The following PTPRD variants were observed in gnomAD, a reference collection of about 807,000 sequenced individuals.
PTPRD encodes receptor-type tyrosine-protein phosphatase delta.
PTPRD carries 34 observed loss-of-function variants against 214.5 expected under a neutral mutation model. The observed-to-expected ratio is 0.16, with a 90% confidence interval of 0.12 to 0.21. The LOEUF is 0.21. Among genes scored for constraint, PTPRD ranks in the 10% least tolerant of loss-of-function variants. The pLI is 1.00. For synonymous variants in PTPRD, 1,128 were observed against 845.7 expected, an observed-to-expected ratio of 1.33 and a Z score of -5.79; for missense variants, 2,545 against 2,398.7, an observed-to-expected ratio of 1.06 and a Z score of -1.27.
At chr9:10,413,266 G>T (rs1441610337) in intron 2 of PTPRD, among the ~76,000 whole-genome samples, 1 of 151,902 alleles carries the variant, frequency 6.6e-6, no homozygotes, top group Admixed American at 6.6e-5. Flanking sequence ...CTAAGTCTCA[G>T]GATATAAAAT....
chr9:10,430,434 A>G (rs1280909537), intron 2 of PTPRD, among the ~76,000 whole-genome samples: 1 of 151,958 alleles, frequency 6.6e-6, no homozygotes, highest in African/African-American at 2.4e-5. Flanking sequence ...ATAGATAGAT[A>G]CGTATGTATG....
intron 7 of PTPRD, among the ~76,000 whole-genome samples, chr9:9,688,647 T>A (rs1242586927): frequency 6.6e-6 from 1 of 151,904 alleles, no homozygotes; most frequent in Admixed American, 6.6e-5. Context: ...GAACTGCTGG[T>A]CAACAGGCCA....
intron 2 of PTPRD, among the ~76,000 whole-genome samples, chr9:10,517,804 C>T (rs1418809350): frequency 6.6e-6 from 1 of 152,022 alleles, no homozygotes; most frequent in Non-Finnish European, 1.5e-5. Flanking sequence ...TATATTTCTC[C>T]ATTGACATAA....
At chr9:10,287,248 C>A (rs1368050652) in intron 3 of PTPRD, among the ~76,000 whole-genome samples, 1 of 152,086 alleles carries the variant, frequency 6.6e-6, no homozygotes, top group East Asian at 1.9e-4. Context: ...AACTGTGATA[C>A]TTTTAGATAA....
intron 44 of PTPRD, among the ~76,000 whole-genome samples, 182 bp downstream of exon 44, chr9:8,331,400 C>T (rs1275715000): frequency 8.8e-6 from 1 of 113,244 alleles, no homozygotes; most frequent in Non-Finnish European, 1.6e-5. Context: ...TAAACATTTT[C>T]CTCTGATTAT....
chr9:9,192,493 C>T (rs548911746), intron 9 of PTPRD, among the ~76,000 whole-genome samples: 1 of 152,056 alleles, frequency 6.6e-6, no homozygotes, highest in African/African-American at 2.4e-5. Context: ...TTAATCCCAA[C>T]AGAAATTTCT....
chr9:10,350,860 G>A (rs1344384603), intron 2 of PTPRD, among the ~76,000 whole-genome samples: 1 of 152,152 alleles, frequency 6.6e-6, no homozygotes, highest in Non-Finnish European at 1.5e-5. Flanking sequence ...CAAAGAGACA[G>A]GTGTTTGGCC....
At chr9:10,394,589 A>T (rs1200408384) in intron 2 of PTPRD, among the ~76,000 whole-genome samples, 1 of 151,856 alleles carries the variant, frequency 6.6e-6, no homozygotes, top group African/African-American at 2.4e-5. Flanking sequence ...TTCCAAAACC[A>T]CGTAGTCTAT....
At chr9:9,085,703 G>A (rs1230695542) in intron 10 of PTPRD, among the ~76,000 whole-genome samples, 1 of 151,144 alleles carries the variant, frequency 6.6e-6, no homozygotes, top group African/African-American at 2.4e-5. Flanking sequence ...TTGTCGGTTT[G>A]CCACCTCATT....
intron 39 of PTPRD, among the ~76,000 whole-genome samples, chr9:8,354,760 A>G (rs1471199519): frequency 1.3e-5 from 2 of 152,138 alleles, no homozygotes; most frequent in Admixed American, 6.5e-5. Flanking sequence ...ACTTCCACCA[A>G]TGGGAGTTTT....
intron 12 of PTPRD, among the ~76,000 whole-genome samples, chr9:8,721,302 T>C (rs1339818639): frequency 2.6e-5 from 4 of 151,616 alleles, no homozygotes; most frequent in Non-Finnish European, 4.4e-5. Context: ...TGGTGGCACA[T>C]GCCTGTAATC....
In PTPRD at chr9:8,976,414, C is replaced by T. The variant is rs538006167; in HGVS notation, c.-104+42283G>A. On this transcript the variant is annotated intron_variant, in intron 11 of 45. Transcript: ENST00000381196. The stretch of plus-strand genomic sequence containing the variant: ...AGGCTTCATATGTTCTTTTGCTGTG[C>T]CAAGTTAATAAGCAAAAGGATTATC... Among the ~76,000 whole-genome samples the T allele has an allele frequency of 7.2e-5, 11 of 152,012 alleles. No homozygotes were observed. In the South Asian group the frequency reaches 2.1e-3, roughly 29 times the overall value.
At chr9:9,210,838 C>T (rs1033102330) in intron 9 of PTPRD, among the ~76,000 whole-genome samples, 1 of 151,942 alleles carries the variant, frequency 6.6e-6, no homozygotes, top group African/African-American at 2.4e-5. Flanking sequence ...TTTCAATATG[C>T]ACAAGTGGTT....
At chr9:10,080,254 G>C (rs527670477) in intron 3 of PTPRD, among the ~76,000 whole-genome samples, 1 of 152,162 alleles carries the variant, frequency 6.6e-6, no homozygotes, top group East Asian at 1.9e-4. Context: ...TCACACTAAA[G>C]GAAAATCAGA....
At chr9:9,626,026 G>GA (rs1458539583) in intron 7 of PTPRD, among the ~76,000 whole-genome samples, 2 of 152,172 alleles carry the variant, frequency 1.3e-5, no homozygotes, top group Non-Finnish European at 2.9e-5. Context: ...ATAGGTAAGC[G>GA]AAAGAGCATG....
At chr9:8,830,026 A>T (rs2154529316) in intron 11 of PTPRD, among the ~76,000 whole-genome samples, 2 of 152,320 alleles carry the variant, frequency 1.3e-5, no homozygotes, top group South Asian at 4.1e-4. Flanking sequence ...AAGATTAAAT[A>T]CCAAAGTTTG....
chr9:9,472,728 C>A (rs1197758204), intron 8 of PTPRD, among the ~76,000 whole-genome samples: 2 of 152,122 alleles, frequency 1.3e-5, no homozygotes, highest in African/African-American at 4.8e-5. Context: ...CAATTTTAAT[C>A]TATTAGAGTT....
chr9:10,243,263 T>C (rs2091464455), intron 3 of PTPRD, among the ~76,000 whole-genome samples: 1 of 152,036 alleles, frequency 6.6e-6, no homozygotes, highest in African/African-American at 2.4e-5. Context: ...CACATTTATA[T>C]GCTATCTTTT....
chr9:9,761,782 C>G (rs755238584), intron 6 of PTPRD, among the ~76,000 whole-genome samples: 65 of 152,104 alleles, frequency 4.3e-4, no homozygotes, highest in Non-Finnish European at 9.0e-4. Flanking sequence ...CTCCCCTTCC[C>G]CCCACTCTGT....
Sources: gnomAD v4.1 joint callset for allele counts (sites outside exome capture counted in the v4.1 genomes callset) on GRCh38, gnomAD v4.1.1 for gene constraint, MANE v1.5 for transcripts, NCBI Gene and HGNC (gene_info 2026-07-23, HGNC 2026-07-21) for gene names.